Variants in OTUD7A observed in about 807,000 individuals in gnomAD.
OTUD7A encodes OTU deubiquitinase 7A.
In OTUD7A, 12 loss-of-function variants were observed where a neutral mutation model predicts 65.7. The ratio of observed to expected loss-of-function variants is 0.18; its 90% CI spans 0.12 to 0.30. The LOEUF is 0.30. OTUD7A is among the 10% of genes least tolerant of loss of function. OTUD7A has a pLI of 1.00. For missense variants in OTUD7A, 1,148 were observed against 1,304.8 expected, an observed-to-expected ratio of 0.88 and a Z score of 1.85; for synonymous variants, 641 against 586.3, an observed-to-expected ratio of 1.09 and a Z score of -1.35.
intron 1 of OTUD7A, among the ~76,000 whole-genome samples, chr15:31,816,473 G>A (rs902762514): frequency 3.3e-5 from 5 of 151,964 alleles, no homozygotes; most frequent in African/African-American, 9.7e-5. Context: ...GGCAGATCAC[G>A]AGGTCAGGAG....
chr15:31,647,481 G>A (rs1436046949), intron 3 of OTUD7A, among the ~76,000 whole-genome samples: 7 of 152,184 alleles, frequency 4.6e-5, no homozygotes, highest in Non-Finnish European at 1.0e-4. Flanking sequence ...TCCTTACCTC[G>A]TCATAGAAAC....
intron 3 of OTUD7A, among the ~76,000 whole-genome samples, chr15:31,629,309 T>A (rs914106430): frequency 6.6e-6 from 1 of 152,250 alleles, no homozygotes; most frequent in Non-Finnish European, 1.5e-5. Context: ...TCAAGGGTTG[T>A]TGAATTTTGT....
rs141829830 is a variant in OTUD7A at position 31,859,791 on chromosome 15, A to C, written c.-100+10716T>G. On this transcript the variant is annotated intron_variant, in intron 1 of 12. Transcript: ENST00000307050. ...GAAGTGCCCAGACATTAAGATTTTT[A>C]AAGTACCCCTATCGTTTCAATAGGA... is the stretch of plus-strand genomic sequence containing the variant. Among the ~76,000 whole-genome samples the C allele has an allele frequency of 9.4e-4, 143 of 152,286 alleles. No individual in the cohort carries two copies. In the South Asian group the frequency reaches 0.015, roughly 15 times the overall value.
intron 8 of OTUD7A, among the ~76,000 whole-genome samples, chr15:31,510,232 G>C (rs747495569): frequency 3.9e-5 from 6 of 152,038 alleles, no homozygotes; most frequent in Non-Finnish European, 7.4e-5. Flanking sequence ...GACACCTGTC[G>C]TTAGTCGTAA....
chr15:31,483,763 A>T lies in OTUD7A; in HGVS notation c.2333T>A (p.Val778Asp), dbSNP rs2041178193. The T allele has an allele frequency of 2.8e-6, 3 of 1,076,104 alleles. No homozygotes were observed. The African/African-American group carries it at 5.1e-5, about 18-fold the overall frequency. The allele number at this position is 1,076,104 out of a possible 1,614,324, so 66.7% of individuals were successfully genotyped here. ...CGCGCCCGACGCCTGCACGTGGATG[A>T]CGCTCTGGCGCGCTGGCGCCGGGGG... Reference protein sequence around the residue: ...RSPPAPARQSVIHVQASGARD... With the variant: ...RSPPAPARQSDIHVQASGARD... Residue 778 changes from valine (V) to aspartate (D), a missense_variant, in exon 13 of 13, where the codon GTC (valine) becomes GAC (aspartate). Around this residue, in one of 6 missense-constraint regions of OTUD7A, gnomAD observed 842 missense variants for 769.5 expected, o/e 1.09. Transcript: ENST00000307050.
At chr15:31,562,628 G>C (rs1888729052) in intron 4 of OTUD7A, among the ~76,000 whole-genome samples, 1 of 151,942 alleles carries the variant, frequency 6.6e-6, no homozygotes, top group South Asian at 2.1e-4. Flanking sequence ...CTTCATGACA[G>C]TCATTTCTGT....
intron 1 of OTUD7A, among the ~76,000 whole-genome samples, chr15:31,815,489 G>T (rs1434003221): frequency 6.6e-6 from 1 of 152,332 alleles, no homozygotes; most frequent in South Asian, 2.1e-4. Flanking sequence ...AGCAAGGAAC[G>T]AGCTCAAGGT....
intron 1 of OTUD7A, among the ~76,000 whole-genome samples, chr15:31,806,349 G>C (rs1896270191): frequency 6.6e-6 from 1 of 152,206 alleles, no homozygotes; most frequent in South Asian, 2.1e-4. Flanking sequence ...GATTCCTCAT[G>C]AATCAGTAGG....
intron 8 of OTUD7A, among the ~76,000 whole-genome samples, chr15:31,519,170 G>A (rs2041905440): frequency 6.6e-6 from 1 of 152,222 alleles, no homozygotes; most frequent in East Asian, 1.9e-4. Flanking sequence ...ACTTGCCCAT[G>A]TGTGCCCATG....
At chr15:31,497,728 G>T (rs113292061) in intron 10 of OTUD7A, among the ~76,000 whole-genome samples, 1 of 152,068 alleles carries the variant, frequency 6.6e-6, no homozygotes, top group African/African-American at 2.4e-5. Flanking sequence ...CTCTTCTCTT[G>T]GAGATGCCAC....
chr15:31,556,106 T>G (rs1284778220), intron 5 of OTUD7A: 2 of 152,278 alleles, frequency 1.3e-5, no homozygotes, highest in African/African-American at 4.8e-5. Context: ...CCTCCCAAAG[T>G]GCTAGGATTA....
At chr15:31,588,457 C>A (rs1266539020) in intron 3 of OTUD7A, among the ~76,000 whole-genome samples, 1 of 152,218 alleles carries the variant, frequency 6.6e-6, no homozygotes, top group African/African-American at 2.4e-5. Context: ...GCAAGAAACA[C>A]AAAGGGATTT....
In OTUD7A at chr15:31,527,177, C is replaced by T. The variant is rs777890035; in HGVS notation, c.780+4G>A. Reference sequence around the variant, plus strand: ...GGGCTCTGGCCATGCCAGTGGATACCAACCTCCTTATTCTGCTGCGTCTGC... The same window carrying T: ...GGGCTCTGGCCATGCCAGTGGATACTAACCTCCTTATTCTGCTGCGTCTGC... On this transcript the variant is annotated splice_donor_region_variant and intron_variant, in intron 7 of 12. Transcript: ENST00000307050. 1 of 1,614,018 alleles carries T rather than the reference C, an allele frequency of 6.2e-7. No individual in the cohort carries two copies. Among genetic ancestry groups the T allele is most frequent in the South Asian group, 1.1e-5 (1 of 91,070 alleles).
At chr15:31,687,792 G>T (rs970726050) in intron 1 of OTUD7A, among the ~76,000 whole-genome samples, 1 of 152,164 alleles carries the variant, frequency 6.6e-6, no homozygotes, top group African/African-American at 2.4e-5. Context: ...AAACTAATGG[G>T]TTAAAAATTA....
chr15:31,785,161 T>TAGACCATGCAAGTACACTTTGATGGAACC (rs1162758438), intron 1 of OTUD7A, among the ~76,000 whole-genome samples: 1 of 152,206 alleles, frequency 6.6e-6, no homozygotes. Flanking sequence ...TTGATGGATC[T>TAGACCATGCAAGTACACTTTGATGGAACC]AGACCATGCA....
intron 1 of OTUD7A, among the ~76,000 whole-genome samples, chr15:31,734,558 C>T (rs1189591368): frequency 3.3e-5 from 5 of 152,166 alleles, no homozygotes; most frequent in East Asian, 1.9e-4. Flanking sequence ...AAAACAGATA[C>T]GTAGACCAAT....
chr15:31,516,126 C>G (rs964782357), intron 8 of OTUD7A, among the ~76,000 whole-genome samples: 5 of 152,206 alleles, frequency 3.3e-5, no homozygotes, highest in African/African-American at 1.2e-4. Context: ...AGCCTCCTGG[C>G]AGAACACTCT....
intron 1 of OTUD7A, among the ~76,000 whole-genome samples, chr15:31,770,706 C>T (rs893817444): frequency 2.0e-5 from 3 of 152,096 alleles, no homozygotes; most frequent in African/African-American, 7.2e-5. Flanking sequence ...AAAAGATACA[C>T]CATGACCAAT....
intron 5 of OTUD7A, among the ~76,000 whole-genome samples, chr15:31,541,343 T>A (rs1354504056): frequency 6.6e-6 from 1 of 152,212 alleles, no homozygotes; most frequent in African/African-American, 2.4e-5. Flanking sequence ...ATTTCTTATA[T>A]CCCTACAAAC....
Sources: allele counts gnomAD v4.1 joint callset (sites outside exome capture counted in the v4.1 genomes callset), GRCh38; gene constraint gnomAD v4.1.1; regional missense constraint gnomAD v4.1.1; transcripts MANE v1.5; gene names NCBI Gene and HGNC (gene_info 2026-07-23, HGNC 2026-07-21).